Variants in ALG11 observed in about 807,000 individuals in gnomAD.
The protein encoded by ALG11 is ALG11 alpha-1,2-mannosyltransferase.
ALG11 carries 26 observed loss-of-function variants against 38.8 expected under a neutral mutation model. The ratio of observed to expected loss-of-function variants is 0.67; its 90% CI spans 0.49 to 0.93. The LOEUF (loss-of-function observed/expected upper bound fraction) is 0.93, where lower values mean the gene tolerates loss of function less well. Ranked by LOEUF, ALG11 falls within the 40% of genes least tolerant of loss-of-function variation. ALG11 has a pLI of 0.00. For missense variants in ALG11, 535 were observed against 578.8 expected, an observed-to-expected ratio of 0.92 and a Z score of 0.78; for synonymous variants, 199 against 211.6, an observed-to-expected ratio of 0.94 and a Z score of 0.52.
Position 52,030,611 on chromosome 13 carries a change from G to A in ALG11, c.*2021G>A. On this transcript the variant is annotated 3_prime_UTR_variant, in exon 4 of 4. Coordinates refer to ENST00000521508, the MANE Select transcript of ALG11 (RefSeq NM_001004127.3). ...AAAGGAAGCTTTTGCTGGGGATGAT[G>A]TCATCAGAGATTTCTTGAAAGAGAA... The A allele has an allele frequency of 6.2e-7, 1 of 1,614,192 alleles. No homozygotes were observed. The highest frequency in any genetic ancestry group is 1.3e-5 in the African/African-American group (1 of 75,036).
intron 1 of ALG11, 45 bp downstream of exon 1, chr13:52,012,507 AG>A (rs776643421): frequency 1.1e-5 from 17 of 1,613,604 alleles, no homozygotes; most frequent in Middle Eastern, 3.4e-4. Context: ...TCTCTTCTGT[AG>A]GGGTACTTGC....
At chr13:52,014,180 A>C (rs1376187447) in intron 1 of ALG11, among the ~76,000 whole-genome samples, 1 of 152,220 alleles carries the variant, frequency 6.6e-6, no homozygotes, top group Non-Finnish European at 1.5e-5. Flanking sequence ...CTTCAACAAA[A>C]ACAACATATC....
rs1954312616 is a variant in ALG11 at position 52,032,192 on chromosome 13, A to G, written c.*3602A>G. On this transcript the variant is annotated 3_prime_UTR_variant, in exon 4 of 4. Coordinates refer to ENST00000521508, the MANE Select transcript of ALG11 (RefSeq NM_001004127.3). The stretch of plus-strand genomic sequence containing the variant: ...AGCCAAGATTGTGCCACTGCACTCT[A>G]GCCTGGGCAATAAGCAAAACTCCAT... The G allele has an allele frequency of 1.3e-5, 2 of 154,912 alleles. No homozygotes were observed. The highest frequency in any genetic ancestry group is 2.9e-5 in the Non-Finnish European group (2 of 68,078). The allele number at this position is 154,912 out of a possible 1,614,324, so 9.6% of individuals were successfully genotyped here.
chr13:52,030,099 C>A lies in ALG11; in HGVS notation c.*1509C>A, dbSNP rs368412759. 1 of 1,614,254 alleles carries A rather than the reference C, an allele frequency of 6.2e-7. No individual in the cohort carries two copies. Among genetic ancestry groups the A allele is most frequent in the Non-Finnish European group, 8.5e-7 (1 of 1,180,046 alleles). ...GAAAGGCAATCCCTTAGAAAAAGAT[C>A]TGAGCTCAACCAGGATGCTGAGCCA... On this transcript the variant is annotated 3_prime_UTR_variant, in exon 4 of 4. Transcript: ENST00000521508.
intron 1 of ALG11, 31 bp downstream of exon 1, chr13:52,012,493 G>A (rs759991014): frequency 3.1e-6 from 5 of 1,613,972 alleles, no homozygotes; most frequent in South Asian, 1.1e-5. Flanking sequence ...GCTCACAGAC[G>A]TTTTCTCTTC....
At chr13:52,013,558 C>T (rs1203894721) in intron 1 of ALG11, among the ~76,000 whole-genome samples, 1 of 152,158 alleles carries the variant, frequency 6.6e-6, no homozygotes, top group Non-Finnish European at 1.5e-5. Context: ...TTTAATAGTT[C>T]AGTTTGAAAA....
At chr13:52,019,837 T>C (rs374216740) in intron 2 of ALG11, among the ~76,000 whole-genome samples, 1 of 152,072 alleles carries the variant, frequency 6.6e-6, no homozygotes, top group African/African-American at 2.4e-5. Context: ...GGTGGAAAGA[T>C]TGACTGAGCC....
Position 52,032,563 on chromosome 13 carries a change from T to G in ALG11, c.*3973T>G, listed in dbSNP as rs1954316256. On this transcript the variant is annotated 3_prime_UTR_variant, in exon 4 of 4. Coordinates refer to ENST00000521508, the MANE Select transcript of ALG11 (RefSeq NM_001004127.3). Reference sequence around the variant, plus strand: ...CAAATGAAACGGTATATTATTTCTTTGCAGTCTCCTCTCAGTCATTCATCA... The same window carrying G: ...CAAATGAAACGGTATATTATTTCTTGGCAGTCTCCTCTCAGTCATTCATCA... 6.0e-6 allele frequency: 1 copy of G among 167,108 alleles called. No homozygotes were observed. Among genetic ancestry groups the G allele is most frequent in the Admixed American group, 6.5e-5 (1 of 15,298 alleles). The allele number at this position is 167,108 out of a possible 1,614,324, so 10.4% of individuals were successfully genotyped here. A position where few individuals can be genotyped will look rare whatever the true frequency, so the allele number is the denominator to read the frequency against.
intron 2 of ALG11, chr13:52,022,371 TAAAAA>T (rs1322555620): frequency 6.6e-6 from 1 of 152,152 alleles, no homozygotes; most frequent in African/African-American, 2.4e-5. Flanking sequence ...GACCCTGTCT[TAAAAA>T]AAGAAAGAAA....
rs1234758365 is a variant in ALG11 at position 52,033,596 on chromosome 13, A to AT, written c.*5008dup. ...TAAAAGTTTGTCTTGCTTGTGAAAC[A>AT]TTAAGAAGAGGCTGTCAGGTTTAAT... On this transcript the variant is annotated 3_prime_UTR_variant, in exon 4 of 4. Coordinates refer to ENST00000521508, the MANE Select transcript of ALG11 (RefSeq NM_001004127.3). The AT allele has an allele frequency of 6.0e-6, 1 of 166,822 alleles. No homozygotes were observed. The highest frequency in any genetic ancestry group is 1.5e-5 in the Non-Finnish European group (1 of 68,112). The allele number at this position is 166,822 out of a possible 1,614,324, so 10.3% of individuals were successfully genotyped here.
rs370282802 is a variant in ALG11, at chr13:52,029,806, G to C, written c.*1216G>C. 40 of 1,614,218 alleles carry C rather than the reference G, an allele frequency of 2.5e-5. No homozygotes were observed. The highest frequency in any genetic ancestry group is 1.3e-4 in the African/African-American group (10 of 75,040). On this transcript the variant is annotated 3_prime_UTR_variant, in exon 4 of 4. Transcript: ENST00000521508. ...TGGCCAAGAACAAAGAACTGACACA[G>C]AAACTCCAGGTAGCCTCTGAGAGTG...
chr13:52,012,605 T>A (rs1278167360), intron 1 of ALG11, 143 bp downstream of exon 1: 27 of 1,167,706 alleles, frequency 2.3e-5, no homozygotes, highest in Non-Finnish European at 3.3e-5. Flanking sequence ...GCAGTCTTTC[T>A]TTTTCTTGGG....
rs1954307107 is a variant in ALG11, at chr13:52,031,667, C to T, written c.*3077C>T. On this transcript the variant is annotated 3_prime_UTR_variant, in exon 4 of 4. Coordinates refer to ENST00000521508, the MANE Select transcript of ALG11 (RefSeq NM_001004127.3). ...GTGATGATATGATATACAGATACAT[C>T]CACAGGGTATCTATTACCAGCATAA... 1 of 168,844 alleles carries T rather than the reference C, an allele frequency of 5.9e-6. No homozygotes were observed. The highest frequency in any genetic ancestry group is 6.4e-5 in the Admixed American group (1 of 15,646). 10.5% of individuals were successfully genotyped at this position (168,844 alleles called of 1,614,324 possible).
chr13:52,029,849 A>C lies in ALG11; in HGVS notation c.*1259A>C. The C allele has an allele frequency of 1.2e-6, 2 of 1,614,220 alleles. No individual in the cohort carries two copies. The highest frequency in any genetic ancestry group is 1.7e-6 in the Non-Finnish European group (2 of 1,180,040). Reference sequence around the variant, plus strand: ...TGAGAGTGAGGAAGAGGAGGGAGGCACAGAAGTGGAAGAACTCCTTGTCCC... The same window carrying C: ...TGAGAGTGAGGAAGAGGAGGGAGGCCCAGAAGTGGAAGAACTCCTTGTCCC... On this transcript the variant is annotated 3_prime_UTR_variant, in exon 4 of 4. Transcript: ENST00000521508.
Position 52,018,959 on chromosome 13 carries a change from TTATG to T in ALG11, c.93_96del (p.Cys34TrpfsTer18). 1 of 1,614,096 alleles carries T rather than the reference TTATG, an allele frequency of 6.2e-7. No homozygotes were observed. Among genetic ancestry groups the T allele is most frequent in the South Asian group, 1.1e-5 (1 of 91,082 alleles). On this transcript the variant is annotated frameshift_variant, in exon 2 of 4. Coordinates refer to ENST00000521508, the MANE Select transcript of ALG11 (RefSeq NM_001004127.3). LOFTEE classifies it high-confidence loss of function. Reference sequence around the variant, plus strand: ...CCCTGGGCTCATTGTATGTGGAACTTTATGTGTGTGTTTGGTCATTGTCCTTTGG... The same window carrying T: ...CCCTGGGCTCATTGTATGTGGAACTTTGTGTGTTTGGTCATTGTCCTTTGG...
rs1253066604 is a variant in ALG11, at chr13:52,019,104, A to G, written c.236A>G (p.Glu79Gly). Residue 79 changes from glutamate (E) to glycine (G), a missense_variant, in exon 2 of 4, where the codon GAA becomes GGA. Coordinates refer to ENST00000521508, the MANE Select transcript of ALG11 (RefSeq NM_001004127.3). ...TACTGCAATGCTGGTGGAGGAGGAG[A>G]AAGAGTTTTATGGTGTGCTTTAAGA... ...HPYCNAGGGG[E>G]RVLWCALRAL... The G allele has an allele frequency of 6.2e-7, 1 of 1,614,046 alleles. No individual in the cohort carries two copies. The highest frequency in any genetic ancestry group is 1.7e-5 in the Admixed American group (1 of 60,010).
rs368832438 is a variant in ALG11, at chr13:52,024,480, C to A, written c.750C>A (p.Cys250Ter). 1 of 1,614,032 alleles carries A rather than the reference C, an allele frequency of 6.2e-7. No homozygotes were observed. The highest frequency in any genetic ancestry group is 8.5e-7 in the Non-Finnish European group (1 of 1,180,022). The change falls in exon 3 of 4, where the codon TGC becomes TGA. Residue 250 changes from cysteine (C) to a stop codon, truncating the protein, a stop_gained. Coordinates refer to ENST00000521508, the MANE Select transcript of ALG11 (RefSeq NM_001004127.3). LOFTEE classifies it high-confidence loss of function. ...TTATTTATGGACTTGTTGGTTCTTG[C>A]AGTGATGTAGTCATGGTCAATTCTT... ...FAFIYGLVGSCSDVVMVNSSW... is the reference protein window; with the variant it reads ...FAFIYGLVGS
At position 52,024,452 on chromosome 13, in the gene ALG11, C is replaced by G; in HGVS notation, c.722C>G (p.Ala241Gly). ...AAGCTCATCTACTACTATTTATTTG[C>G]TTTTATTTATGGACTTGTTGGTTCT... is the stretch of plus-strand genomic sequence containing the variant. The part of the protein sequence containing the change: ...KVKLIYYYLF[A>G]FIYGLVGSCS... Residue 241 changes from alanine to glycine, a missense_variant, in exon 3 of 4, where the codon GCT becomes GGT. By Grantham distance (60) the Ala-to-Gly change is moderately conservative. Transcript: ENST00000521508. 6.2e-7 allele frequency: 1 copy of G among 1,614,024 alleles called. No homozygotes were observed. Among genetic ancestry groups the G allele is most frequent in the Non-Finnish European group, 8.5e-7 (1 of 1,179,964 alleles).
In ALG11 at chr13:52,028,967, A is replaced by C; in HGVS notation, c.*377A>C. 1 of 1,614,274 alleles carries C rather than the reference A, an allele frequency of 6.2e-7. No homozygotes were observed. Among genetic ancestry groups the C allele is most frequent in the Non-Finnish European group, 8.5e-7 (1 of 1,180,052 alleles). ...GGAAGCAATCATTTCCCTTGATGGA[A>C]AGAATAGGCGGAAATTGGCTGAGAG... is the stretch of plus-strand genomic sequence containing the variant. On this transcript the variant is annotated 3_prime_UTR_variant, in exon 4 of 4. Transcript: ENST00000521508.
Sources: gnomAD v4.1 joint callset for allele counts (sites outside exome capture counted in the v4.1 genomes callset) on GRCh38, gnomAD v4.1.1 for gene constraint, MANE v1.5 for transcripts, NCBI Gene and HGNC (gene_info 2026-07-23, HGNC 2026-07-21) for gene names.